The following TBC1D15 variants were observed in gnomAD, a reference collection of about 807,000 sequenced individuals.
TBC1D15 encodes the protein GAP for RAB7.
A neutral mutation model predicts 95.4 loss-of-function variants in TBC1D15; 39 were observed. That is an observed-to-expected ratio of 0.41 (90% CI 0.32 to 0.53). TBC1D15 has a LOEUF of 0.53. Ranked by LOEUF, TBC1D15 falls within the 20% of genes least tolerant of loss-of-function variation. The probability of loss-of-function intolerance (pLI) is 0.29; values close to 1 mark genes in which losing one functional copy is unlikely to be tolerated. For synonymous variants in TBC1D15, 258 were observed against 261.3 expected (o/e 0.99, Z 0.12); for missense variants, 733 against 794.3 (o/e 0.92, Z 0.93).
intron 6 of TBC1D15, among the ~76,000 whole-genome samples, chr12:71,894,062 C>T (rs1020003071): frequency 6.6e-6 from 1 of 151,922 alleles, no homozygotes; most frequent in Non-Finnish European, 1.5e-5. Flanking sequence ...TAATAAATAA[C>T]TGTTTTTGCT....
rs571114741 is a variant in TBC1D15 at position 71,896,648 on chromosome 12, C to A, written c.985-29C>A. 3.4e-5 allele frequency: 53 copies of A among 1,548,840 alleles called. 1 individual carries two copies. In the South Asian group the frequency reaches 5.7e-4, roughly 17 times the overall value. On this transcript the variant is annotated intron_variant, in intron 8 of 16. Transcript: ENST00000485960. ...TTACAGTATTACATTCTTTTTCATT[C>A]ATGTATTTAATATGTATGCTTTCTT...
rs563635074 is a variant in TBC1D15, at chr12:71,911,306, A to G, written c.1301-2520A>G. Among the ~76,000 whole-genome samples the G allele has an allele frequency of 2.6e-5, 4 of 152,294 alleles. No individual in the cohort carries two copies. The East Asian group carries it at 5.8e-4, about 22-fold the overall frequency. On this transcript the variant is annotated intron_variant, in intron 11 of 16. Coordinates refer to ENST00000485960, the MANE Select transcript of TBC1D15 (RefSeq NM_001146213.3). ...CCAAAGGACTATAAATCATGCTGCCATAAAGACACATGCACACGTATGTTT... is the reference window on the plus strand; with the variant it reads ...CCAAAGGACTATAAATCATGCTGCCGTAAAGACACATGCACACGTATGTTT...
At chr12:71,859,890 C>T (rs575395399) in intron 1 of TBC1D15, among the ~76,000 whole-genome samples, 6 of 152,322 alleles carry the variant, frequency 3.9e-5, no homozygotes. Flanking sequence ...GGATTACAAG[C>T]ATGAGCTACC....
At chr12:71,916,756 T>A (rs1903803585) in intron 12 of TBC1D15, among the ~76,000 whole-genome samples, 2 of 152,164 alleles carry the variant, frequency 1.3e-5, no homozygotes, top group Non-Finnish European at 2.9e-5. Flanking sequence ...TGGTGCCTTC[T>A]GGCCCCTTGA....
rs563874609 is a variant in TBC1D15 at position 71,850,474 on chromosome 12, A to G, written c.30+10663A>G. ...GTCGCCCAGGCTGAAGTGCAGTGAT[A>G]TGATCATAGCTCACTACAACCTTGA... On this transcript the variant is annotated intron_variant, in intron 1 of 16. Transcript: ENST00000485960. 2.1e-4 allele frequency: 46 copies of G among 215,646 alleles called. No homozygotes were observed. In the South Asian group the frequency reaches 3.0e-3, roughly 14 times the overall value. 13.4% of individuals were successfully genotyped at this position (215,646 alleles called of 1,614,324 possible).
At chr12:71,890,727 T>C (rs1240122406) in intron 5 of TBC1D15, among the ~76,000 whole-genome samples, 3 of 152,218 alleles carry the variant, frequency 2.0e-5, no homozygotes, top group Non-Finnish European at 4.4e-5. Flanking sequence ...ATAGGCCATC[T>C]TGACGCTTAA....
At chr12:71,872,734 A>G (rs1246683943) in intron 2 of TBC1D15, among the ~76,000 whole-genome samples, 195 bp from the exon 3 acceptor site, 1 of 152,192 alleles carries the variant, frequency 6.6e-6, no homozygotes, top group Non-Finnish European at 1.5e-5. Flanking sequence ...AAGTTGTAGC[A>G]ATATAAATTT....
At chr12:71,910,431 G>A (rs2138956343) in intron 11 of TBC1D15, among the ~76,000 whole-genome samples, 1 of 151,368 alleles carries the variant, frequency 6.6e-6, no homozygotes, top group South Asian at 2.1e-4. Context: ...GGATGGCATT[G>A]AATCTATAAA....
intron 4 of TBC1D15, 108 bp from the exon 5 acceptor site, chr12:71,884,703 C>G: frequency 1.1e-6 from 1 of 909,864 alleles, no homozygotes; most frequent in Non-Finnish European, 1.7e-6. Flanking sequence ...AAGTGCTATA[C>G]TGATTCCCTG....
intron 1 of TBC1D15, chr12:71,849,176 AAAC>A: frequency 1.0e-5 from 3 of 286,610 alleles, no homozygotes. Flanking sequence ...AAAAAAAAAA[AAAC>A]AAAAAAAAAA....
intron 1 of TBC1D15, chr12:71,868,716 T>C (rs1466603209): frequency 6.6e-6 from 1 of 152,188 alleles, no homozygotes; most frequent in Non-Finnish European, 1.5e-5. Context: ...GTAAAGTGTT[T>C]TATTTGATTG....
chr12:71,918,237 T>C (rs1402214656), intron 13 of TBC1D15, among the ~76,000 whole-genome samples: 2 of 152,268 alleles, frequency 1.3e-5, no homozygotes, highest in African/African-American at 4.8e-5. Context: ...TCTCTTTGTA[T>C]AATTCTGCCT....
chr12:71,873,095 T>A (rs562295090), intron 3 of TBC1D15, 92 bp downstream of exon 3: 1 of 829,884 alleles, frequency 1.2e-6, no homozygotes, highest in Non-Finnish European at 1.9e-6. Flanking sequence ...AAATGCATCC[T>A]TTTAAAGCAT....
At chr12:71,866,291 A>G (rs1449095258) in intron 1 of TBC1D15, among the ~76,000 whole-genome samples, 3 of 152,130 alleles carry the variant, frequency 2.0e-5, no homozygotes, top group African/African-American at 7.2e-5. Flanking sequence ...GGCCACAAGG[A>G]CAGATGCGGT....
chr12:71,923,772 G>A lies in TBC1D15; in HGVS notation c.*568G>A, dbSNP rs980821383. 1 of 152,442 alleles carries A rather than the reference G, an allele frequency of 6.6e-6. No homozygotes were observed. Among genetic ancestry groups the A allele is most frequent in the African/African-American group, 2.4e-5 (1 of 41,372 alleles). 9.4% of individuals were successfully genotyped at this position (152,442 alleles called of 1,614,324 possible). A position where few individuals can be genotyped will look rare whatever the true frequency, so the allele number is the denominator to read the frequency against. On this transcript the variant is annotated 3_prime_UTR_variant, in exon 17 of 17. Transcript: ENST00000485960. ...ATAAATATTTCAACCATAATAAGTG[G>A]ATTGGCAGTATATTTTTTACATTGA...
chr12:71,865,834 T>A (rs1273039727), intron 1 of TBC1D15, among the ~76,000 whole-genome samples: 1 of 152,086 alleles, frequency 6.6e-6, no homozygotes, highest in Non-Finnish European at 1.5e-5. Flanking sequence ...GGGAGTGATA[T>A]GCCCTTTCAG....
At chr12:71,877,158 A>T (rs902373780) in intron 3 of TBC1D15, among the ~76,000 whole-genome samples, 1 of 147,566 alleles carries the variant, frequency 6.8e-6, no homozygotes, top group East Asian at 2.0e-4. Context: ...TATTGATGTT[A>T]AGTCTAATGC....
chr12:71,893,311 A>G lies in TBC1D15; in HGVS notation c.644A>G (p.Tyr215Cys). 2 of 1,607,972 alleles carry G rather than the reference A, an allele frequency of 1.2e-6. No individual in the cohort carries two copies. Among genetic ancestry groups the G allele is most frequent in the Non-Finnish European group, 1.7e-6 (2 of 1,176,108 alleles). The change falls in exon 6 of 17, where the codon TAT becomes TGT. Residue 215 changes from tyrosine (Y) to cysteine (C), a missense_variant. Transcript: ENST00000485960. ...GAAAATCTTCTTGATGAGCCAGCAT[A>G]TGGTTTAATACAAGTATGTTCCTTA... ...SFENLLDEPA[Y>C]GLIQKIKKDP...
intron 1 of TBC1D15, among the ~76,000 whole-genome samples, chr12:71,851,017 T>TA (rs1181549139): frequency 8.3e-6 from 1 of 120,160 alleles, no homozygotes; most frequent in Non-Finnish European, 1.8e-5. Flanking sequence ...AAGAAAGAAA[T>TA]ACCTGAGACT....
Sources: gnomAD v4.1 joint callset for allele counts (sites outside exome capture counted in the v4.1 genomes callset) on GRCh38, gnomAD v4.1.1 for gene constraint, MANE v1.5 for transcripts, NCBI Gene and HGNC (gene_info 2026-07-23, HGNC 2026-07-21) for gene names.